The following WWC2 variants were observed in gnomAD, a reference collection of about 807,000 sequenced individuals.
The protein encoded by WWC2 is WW and C2 domain containing 2, also known as protein WWC2.
A neutral mutation model predicts 138.5 loss-of-function variants in WWC2; 101 were observed. The observed-to-expected ratio is 0.73, with a 90% confidence interval of 0.62 to 0.86. WWC2 has a LOEUF of 0.86. WWC2 is among the 40% of genes least tolerant of loss of function. The probability of loss-of-function intolerance (pLI) is 0.00; values close to 1 mark genes in which losing one functional copy is unlikely to be tolerated. For synonymous variants in WWC2, 558 were observed against 538.4 expected (o/e 1.04, Z -0.50); for missense variants, 1,420 against 1,419.4 (o/e 1.00, Z -0.01).
chr4:183,247,571 C>T (rs138301272), intron 6 of WWC2, among the ~76,000 whole-genome samples: 2 of 131,044 alleles, frequency 1.5e-5, no homozygotes, highest in Non-Finnish European at 3.1e-5. Flanking sequence ...TATATATGCT[C>T]TATATACTAT....
chr4:183,143,666 G>C (rs1466986188), intron 1 of WWC2, among the ~76,000 whole-genome samples: 1 of 151,892 alleles, frequency 6.6e-6, no homozygotes, highest in Non-Finnish European at 1.5e-5. Context: ...AATTTAGCTG[G>C]GCATGGTGGT....
chr4:183,312,441 AG>A lies in WWC2; in HGVS notation c.3487del (p.Val1163CysfsTer20), dbSNP rs766467361. 1 of 1,613,830 alleles carries A rather than the reference AG, an allele frequency of 6.2e-7. No homozygotes were observed. The highest frequency in any genetic ancestry group is 1.1e-5 in the South Asian group (1 of 91,084). On this transcript the variant is annotated frameshift_variant, in exon 22 of 23. Transcript: ENST00000403733. LOFTEE classifies it high-confidence loss of function. ...TGTCGGCTCCGGGAGCAGAGCCAGA[AG>A]GTGCCTCGGCAGGTGCAGTCCTTCA... ...DVCRLREQSQKVPRQVQSFRE... is the reference protein window; with the variant it reads ...DVCRLREQSQXVPRQVQSFRE...
chr4:183,269,079 C>A lies in WWC2; in HGVS notation c.2316C>A (p.Val772=). The part of the protein sequence containing the change: ...ESILFNDVFR[V]AISQTALQQK... ...TTTTATTCAATGATGTGTTCAGAGT[C>A]GCCATTTCCCAAACAGCCTTACAAC... Residue 772 remains valine (V), a synonymous_variant, in exon 15 of 23, where the codon GTC becomes GTA. Coordinates refer to ENST00000403733, the MANE Select transcript of WWC2 (RefSeq NM_024949.6). 1 of 1,613,924 alleles carries A rather than the reference C, an allele frequency of 6.2e-7. No homozygotes were observed. Among genetic ancestry groups the A allele is most frequent in the African/African-American group, 1.3e-5 (1 of 75,028 alleles).
At chr4:183,307,589 C>T (rs1050469591) in intron 21 of WWC2, among the ~76,000 whole-genome samples, 2 of 152,210 alleles carry the variant, frequency 1.3e-5, no homozygotes, top group East Asian at 1.9e-4. Context: ...GAATTATATA[C>T]CATGACCAAG....
intron 19 of WWC2, among the ~76,000 whole-genome samples, chr4:183,284,978 A>G (rs1344315710): frequency 6.6e-6 from 1 of 152,218 alleles, no homozygotes; most frequent in Admixed American, 6.5e-5. Flanking sequence ...TTTAAATTCT[A>G]AATTTATTCA....
At chr4:183,172,560 T>G (rs1307313422) in intron 1 of WWC2, among the ~76,000 whole-genome samples, 2 of 149,514 alleles carry the variant, frequency 1.3e-5, no homozygotes, top group Non-Finnish European at 3.0e-5. Context: ...TTTCTTGTTT[T>G]TTTTTTTTTT....
chr4:183,320,302 A>T lies in WWC2; in HGVS notation c.*4573A>T. The T allele has an allele frequency of 8.0e-7, 1 of 1,244,390 alleles. No homozygotes were observed. Among genetic ancestry groups the T allele is most frequent in the East Asian group, 2.3e-5 (1 of 42,840 alleles). 77.1% of individuals were successfully genotyped at this position (1,244,390 alleles called of 1,614,324 possible). A position where few individuals can be genotyped will look rare whatever the true frequency, so the allele number is the denominator to read the frequency against. ...AAGTGTGACACTTGTGTTATAACTT[A>T]TGAAACTCAGAAATATTTCTTCATT... On this transcript the variant is annotated 3_prime_UTR_variant, in exon 23 of 23. Transcript: ENST00000403733.
intron 4 of WWC2, among the ~76,000 whole-genome samples, chr4:183,231,662 TGAA>T (rs1303341616): frequency 6.6e-6 from 1 of 152,100 alleles, no homozygotes; most frequent in African/African-American, 2.4e-5. Flanking sequence ...ACATAGGGAA[TGAA>T]GGAGAGCAGG....
At chr4:183,150,552 A>G (rs1317968991) in intron 1 of WWC2, among the ~76,000 whole-genome samples, 1 of 152,124 alleles carries the variant, frequency 6.6e-6, no homozygotes, top group Non-Finnish European at 1.5e-5. Flanking sequence ...TAAACTTTTT[A>G]AAATTATTAT....
intron 16 of WWC2, among the ~76,000 whole-genome samples, chr4:183,280,072 T>C (rs923361656): frequency 2.6e-5 from 4 of 152,180 alleles, no homozygotes; most frequent in African/African-American, 4.8e-5. Flanking sequence ...ATAACTGATA[T>C]CTTCCTCCAG....
chr4:183,253,440 C>G (rs910830644), intron 8 of WWC2, among the ~76,000 whole-genome samples: 2 of 152,198 alleles, frequency 1.3e-5, no homozygotes, highest in South Asian at 4.1e-4. Flanking sequence ...CCTCTCGTGG[C>G]GCCCAGAGCA....
chr4:183,124,459 A>G (rs749765666), intron 1 of WWC2, among the ~76,000 whole-genome samples: 2 of 151,154 alleles, frequency 1.3e-5, no homozygotes, highest in Non-Finnish European at 2.9e-5. Flanking sequence ...TATTGATACA[A>G]ATGACTCTTT....
At chr4:183,280,248 T>G (rs1334541569) in intron 16 of WWC2, among the ~76,000 whole-genome samples, 2 of 148,000 alleles carry the variant, frequency 1.4e-5, no homozygotes, top group African/African-American at 2.5e-5. Flanking sequence ...TTTTTTTTTT[T>G]TTTTTTGCTT....
intron 9 of WWC2, among the ~76,000 whole-genome samples, chr4:183,257,153 G>A (rs1251722754): frequency 1.3e-5 from 2 of 152,122 alleles, no homozygotes; most frequent in African/African-American, 4.8e-5. Flanking sequence ...TCTTAACATT[G>A]CTCCTTGTTT....
chr4:183,299,551 G>A (rs182973526), intron 21 of WWC2, among the ~76,000 whole-genome samples: 16 of 152,192 alleles, frequency 1.1e-4, no homozygotes, highest in African/African-American at 3.9e-4. Context: ...AGTGAAATTT[G>A]CAAAAACCAG....
At chr4:183,103,068 C>G (rs951343593) in intron 1 of WWC2, among the ~76,000 whole-genome samples, 1 of 152,094 alleles carries the variant, frequency 6.6e-6, no homozygotes, top group Non-Finnish European at 1.5e-5. Context: ...ATGACTTTGT[C>G]TAGTTGAACT....
intron 1 of WWC2, among the ~76,000 whole-genome samples, chr4:183,119,282 C>A (rs552784384): frequency 2.0e-5 from 3 of 152,160 alleles, no homozygotes; most frequent in Non-Finnish European, 4.4e-5. Context: ...ACAGAAGTTA[C>A]TTCTCCAGTT....
chr4:183,304,567 A>T (rs556094018), intron 21 of WWC2, among the ~76,000 whole-genome samples: 1 of 152,248 alleles, frequency 6.6e-6, no homozygotes, highest in East Asian at 1.9e-4. Context: ...AACTTAACTG[A>T]CTTTGGTAAG....
intron 16 of WWC2, among the ~76,000 whole-genome samples, chr4:183,278,560 A>T (rs1441067862): frequency 6.6e-6 from 1 of 151,846 alleles, no homozygotes; most frequent in Non-Finnish European, 1.5e-5. Context: ...TCTGTAAATT[A>T]CCTTGGGCAG....
Sources: gnomAD v4.1 joint callset for allele counts (sites outside exome capture counted in the v4.1 genomes callset) on GRCh38, gnomAD v4.1.1 for gene constraint, MANE v1.5 for transcripts, NCBI Gene and HGNC (gene_info 2026-07-23, HGNC 2026-07-21) for gene names.